The following C10orf67 variants were observed in gnomAD, a reference collection of about 807,000 sequenced individuals.
C10orf67 encodes uncharacterized protein C10orf67, mitochondrial.
Under a neutral mutation model 35.6 loss-of-function variants are expected in C10orf67, and 60 were observed. The ratio of observed to expected loss-of-function variants is 1.68; its 90% confidence interval spans 1.37 to 2.09. C10orf67 has a LOEUF of 2.09. Among genes scored for constraint, C10orf67 ranks in the 30% most tolerant of loss-of-function variants. The pLI is 0.00. For synonymous variants in C10orf67, 167 were observed against 115.8 expected, an observed-to-expected ratio of 1.44 and a Z score of -2.84; for missense variants, 474 against 330.2, an observed-to-expected ratio of 1.44 and a Z score of -3.38.
chr10:23,249,681 G>C (rs1423035669), intron 12 of C10orf67, among the ~76,000 whole-genome samples: 1 of 152,172 alleles, frequency 6.6e-6, no homozygotes, highest in African/African-American at 2.4e-5. Context: ...TGCAAATGTA[G>C]GGCATTGCCA....
In C10orf67 at chr10:23,282,087, GA is replaced by G. The variant is rs1554810489; in HGVS notation, c.910-10del. The G allele has an allele frequency of 3.7e-6, 2 of 542,346 alleles. No individual in the cohort carries two copies. Among genetic ancestry groups the G allele is most frequent in the African/African-American group, 2.0e-5 (1 of 50,166 alleles). 33.6% of individuals were successfully genotyped at this position (542,346 alleles called of 1,614,324 possible). A position where few individuals can be genotyped will look rare whatever the true frequency, so the allele number is the denominator to read the frequency against. ...TCTCTACTATCCATTAACTGAAATA[GA>G]GAAGAAATTATATTTTTATTAAAGA... On this transcript the variant is annotated splice_polypyrimidine_tract_variant and intron_variant, in intron 7 of 15. Coordinates refer to ENST00000636213, the MANE Select transcript of C10orf67 (RefSeq NM_001371909.1).
chr10:23,266,550 C>T (rs984218177), intron 9 of C10orf67, 124 bp from the exon 10 acceptor site: 14 of 396,024 alleles, frequency 3.5e-5, no homozygotes, highest in African/African-American at 2.5e-4. Flanking sequence ...AGTCCTAGAG[C>T]GCATGGATTT....
At chr10:23,298,568 G>A (rs1157576966) in intron 5 of C10orf67, among the ~76,000 whole-genome samples, 2 of 152,112 alleles carry the variant, frequency 1.3e-5, no homozygotes, top group South Asian at 2.1e-4. Flanking sequence ...TGGCTATTTC[G>A]CCGTACCTGG....
chr10:23,242,593 C>T (rs77657476), intron 12 of C10orf67, among the ~76,000 whole-genome samples: 5,943 of 151,642 alleles, frequency 0.039, 324 homozygotes, highest in African/African-American at 0.13. Flanking sequence ...GTTAAAAAAA[C>T]AGAGAGAATT....
intron 5 of C10orf67, among the ~76,000 whole-genome samples, chr10:23,292,540 C>A (rs1043290327): frequency 1.3e-5 from 2 of 152,096 alleles, no homozygotes; most frequent in Admixed American, 6.5e-5. Flanking sequence ...AAAATAATTT[C>A]TCTCGACTGA....
intron 15 of C10orf67, among the ~76,000 whole-genome samples, chr10:23,215,926 G>A (rs974296084): frequency 2.0e-5 from 3 of 152,122 alleles, no homozygotes; most frequent in Non-Finnish European, 2.9e-5. Flanking sequence ...AACTTTCAGC[G>A]CCTGCTATAG....
intron 15 of C10orf67, among the ~76,000 whole-genome samples, chr10:23,221,442 T>C (rs1403891260): frequency 6.6e-6 from 1 of 152,216 alleles, no homozygotes; most frequent in Non-Finnish European, 1.5e-5. Flanking sequence ...TATTTTTGAA[T>C]TAGTGCTTGA....
At chr10:23,331,269 GAGGGA>G (rs1264762244) in intron 2 of C10orf67, among the ~76,000 whole-genome samples, 2 of 12,412 alleles carry the variant, frequency 1.6e-4, no homozygotes, top group Non-Finnish European at 2.4e-4. Flanking sequence ...GGGAAGGGAA[GAGGGA>G]AGGGAAGGGA....
intron 8 of C10orf67, among the ~76,000 whole-genome samples, chr10:23,273,989 AAG>A (rs1268212843): frequency 6.6e-6 from 1 of 152,172 alleles, no homozygotes; most frequent in Non-Finnish European, 1.5e-5. Flanking sequence ...AAAAAGTACA[AAG>A]AGAGAAATTT....
chr10:23,332,734 A>G (rs1249989714), intron 2 of C10orf67, among the ~76,000 whole-genome samples: 1 of 152,116 alleles, frequency 6.6e-6, no homozygotes, highest in African/African-American at 2.4e-5. Context: ...ACAAAGCTGG[A>G]TGGTGGGTTA....
intron 10 of C10orf67, among the ~76,000 whole-genome samples, chr10:23,263,836 C>A (rs1842815554): frequency 6.6e-6 from 1 of 152,138 alleles, no homozygotes; most frequent in Admixed American, 6.5e-5. Context: ...ACAAACTTTA[C>A]ATAAAAGCAC....
At chr10:23,301,398 G>T (rs937788371) in intron 5 of C10orf67, among the ~76,000 whole-genome samples, 1 of 152,058 alleles carries the variant, frequency 6.6e-6, no homozygotes, top group Admixed American at 6.5e-5. Context: ...CGGTGGTCAC[G>T]CTAATCGTTT....
intron 5 of C10orf67, 124 bp downstream of exon 5, chr10:23,303,180 A>C (rs1844149198): frequency 2.6e-6 from 1 of 383,278 alleles, no homozygotes. Flanking sequence ...AGACTGGCTT[A>C]TATTATGGGG....
At chr10:23,318,693 A>C (rs1844828757) in intron 4 of C10orf67, 1 of 541,572 alleles carries the variant, frequency 1.8e-6, no homozygotes, top group Admixed American at 3.1e-5. Flanking sequence ...TCGTTAGCAG[A>C]GCAATCTGTC....
At position 23,322,151 on chromosome 10, in the gene C10orf67, T is replaced by C. The variant is rs182202726; in HGVS notation, c.471+243A>G. On this transcript the variant is annotated intron_variant, in intron 3 of 15. Coordinates refer to ENST00000636213, the MANE Select transcript of C10orf67 (RefSeq NM_001371909.1). ...TTCTGTGCCTCAGTTTTCTCATCTG[T>C]AAAAGAGGGAAAATAATTGTGCCTA... 9.2e-5 allele frequency among the ~76,000 whole-genome samples: 14 copies of C among 152,278 alleles called. No homozygotes were observed. In the East Asian group the frequency reaches 1.9e-3, roughly 21 times the overall value.
chr10:23,245,354 G>A (rs569308926), intron 12 of C10orf67, among the ~76,000 whole-genome samples: 3 of 152,198 alleles, frequency 2.0e-5, no homozygotes, highest in Non-Finnish European at 4.4e-5. Context: ...AAACAAGAAC[G>A]AATAAGTAGG....
At chr10:23,259,535 A>G (rs1842692181) in intron 10 of C10orf67, among the ~76,000 whole-genome samples, 1 of 152,204 alleles carries the variant, frequency 6.6e-6, no homozygotes, top group African/African-American at 2.4e-5. Flanking sequence ...AGGAAAAAAA[A>G]TCTATCGTTG....
chr10:23,339,151 CAT>C (rs1845792066), intron 1 of C10orf67, among the ~76,000 whole-genome samples: 1 of 152,100 alleles, frequency 6.6e-6, no homozygotes. Flanking sequence ...CAGCAGAAAA[CAT>C]AACAGAAATT....
rs1037371199 is a variant in C10orf67, at chr10:23,204,095, C to T, written c.*78G>A. 2 of 453,950 alleles carry T rather than the reference C, an allele frequency of 4.4e-6. No individual in the cohort carries two copies. Among genetic ancestry groups the T allele is most frequent in the Non-Finnish European group, 4.0e-6 (1 of 247,344 alleles). 28.1% of individuals were successfully genotyped at this position (453,950 alleles called of 1,614,324 possible). A position where few individuals can be genotyped will look rare whatever the true frequency, so the allele number is the denominator to read the frequency against. The stretch of plus-strand genomic sequence containing the variant: ...AAATCCTTGGAGATAGTATCCTTTC[C>T]GAGGGAGGCACCTTACACCAGGACG... On this transcript the variant is annotated 3_prime_UTR_variant, in exon 16 of 16. Coordinates refer to ENST00000636213, the MANE Select transcript of C10orf67 (RefSeq NM_001371909.1).
Sources: allele counts gnomAD v4.1 joint callset (sites outside exome capture counted in the v4.1 genomes callset), GRCh38; gene constraint gnomAD v4.1.1; transcripts MANE v1.5; gene names NCBI Gene and HGNC (gene_info 2026-07-23, HGNC 2026-07-21).